The following VPS13A variants were observed in gnomAD, a reference collection of about 807,000 sequenced individuals.
VPS13A encodes the protein intermembrane lipid transfer protein VPS13A.
VPS13A carries 264 observed loss-of-function variants against 390.9 expected under a neutral mutation model. That is an observed-to-expected ratio of 0.68 (90% confidence interval 0.61 to 0.75). The LOEUF (loss-of-function observed/expected upper bound fraction) is 0.75, where lower values mean the gene tolerates loss of function less well. Ranked by LOEUF, VPS13A falls within the 30% of genes least tolerant of loss-of-function variation. The probability of loss-of-function intolerance (pLI) is 0.00; values close to 1 mark genes in which losing one functional copy is unlikely to be tolerated. For missense variants in VPS13A, 3,409 were observed against 3,733.9 expected, an observed-to-expected ratio of 0.91 and a Z score of 2.27; for synonymous variants, 1,231 against 1,227.1, an observed-to-expected ratio of 1.00 and a Z score of -0.07.
At chr9:77,190,307 A>T (rs1364117119) in intron 1 of VPS13A, among the ~76,000 whole-genome samples, 1 of 152,052 alleles carries the variant, frequency 6.6e-6, no homozygotes, top group African/African-American at 2.4e-5. Context: ...ACATGAAGGG[A>T]TGTTGAATTT....
In VPS13A at chr9:77,344,761, GA is replaced by G. The variant is rs375699491; in HGVS notation, c.7156-234del. ...GCGACAGAGCAAGACTCCGTCTCAA[GA>G]AAAAAAAAAAAAAGTTAGTTGGAAT... On this transcript the variant is annotated intron_variant, in intron 51 of 71. Transcript: ENST00000360280. Among the ~76,000 whole-genome samples the G allele has an allele frequency of 0.017, 1,976 of 119,144 alleles. 36 individuals are homozygous for G. The highest frequency in any genetic ancestry group is 0.055 in the African/African-American group (1,789 of 32,722). 78.2% of individuals were successfully genotyped at this position (119,144 alleles called of 152,430 possible).
intron 35 of VPS13A, among the ~76,000 whole-genome samples, chr9:77,308,785 A>G (rs538350241): frequency 6.6e-6 from 1 of 152,110 alleles, no homozygotes; most frequent in African/African-American, 2.4e-5. Flanking sequence ...AGACCTACCT[A>G]CCTCAAAATG....
intron 25 of VPS13A, 89 bp downstream of exon 25, chr9:77,275,741 CTA>C: frequency 7.1e-7 from 1 of 1,409,362 alleles, no homozygotes; most frequent in Non-Finnish European, 9.9e-7. Context: ...TTAAGAAGCA[CTA>C]TCTTTTTCAC....
At chr9:77,247,699 C>T (rs758907254) in intron 20 of VPS13A, among the ~76,000 whole-genome samples, 7 of 152,234 alleles carry the variant, frequency 4.6e-5, no homozygotes, top group Admixed American at 6.5e-5. Context: ...CTCACTCTGT[C>T]GCCCAGGCTG....
chr9:77,285,595 T>C (rs545580160), intron 31 of VPS13A, among the ~76,000 whole-genome samples: 1 of 152,356 alleles, frequency 6.6e-6, no homozygotes, highest in Admixed American at 6.5e-5. Flanking sequence ...CTAATTATTC[T>C]CAACTTTTCT....
In VPS13A at chr9:77,337,555, T is replaced by G; in HGVS notation, c.6378+18T>G. On this transcript the variant is annotated intron_variant, in intron 47 of 71. Coordinates refer to ENST00000360280, the MANE Select transcript of VPS13A (RefSeq NM_033305.3). The stretch of plus-strand genomic sequence containing the variant: ...ATATAGAGGTATCGGCAAACTGATT[T>G]AGTGCCTTCCTGTTTTTGATTTTGT... 1 of 1,604,516 alleles carries G rather than the reference T, an allele frequency of 6.2e-7. No individual in the cohort carries two copies.
chr9:77,214,404 G>A lies in VPS13A; in HGVS notation c.754+18G>A, dbSNP rs1205510866. On this transcript the variant is annotated intron_variant, in intron 10 of 71. Transcript: ENST00000360280. ...TGATTTTGGTAAGTACATTTTATAA[G>A]ATAAAAAAAGTAGTTAAAGTAATTG... is the stretch of plus-strand genomic sequence containing the variant. 6.3e-7 allele frequency: 1 copy of A among 1,593,240 alleles called. No homozygotes were observed. Among genetic ancestry groups the A allele is most frequent in the African/African-American group, 1.3e-5 (1 of 74,572 alleles).
At position 77,318,359 on chromosome 9, in the gene VPS13A, C is replaced by T. The variant is rs1829528449; in HGVS notation, c.5081C>T (p.Thr1694Ile). 6.2e-7 allele frequency: 1 copy of T among 1,613,744 alleles called. No individual in the cohort carries two copies. The highest frequency in any genetic ancestry group is 2.2e-5 in the East Asian group (1 of 44,848). Residue 1694 changes from threonine to isoleucine, a missense_variant, in exon 41 of 72, where the codon ACT becomes ATT. Around this residue, in one of 5 missense-constraint regions of VPS13A, gnomAD observed 2,717 missense variants for 2,917.4 expected, o/e 0.93. Coordinates refer to ENST00000360280, the MANE Select transcript of VPS13A (RefSeq NM_033305.3). ...TTATGGGAAAAGAAGGATACAAAGA[C>T]TTTAAAAATGTGGTTTCTTGAAGAA... Reference protein sequence around the residue: ...AHLWEKKDTKTLKMWFLEESN... With the variant: ...AHLWEKKDTKILKMWFLEESN...
chr9:77,318,730 T>C (rs1829553605), intron 41 of VPS13A, 139 bp downstream of exon 41: 2 of 931,790 alleles, frequency 2.1e-6, no homozygotes, highest in South Asian at 3.4e-5. Context: ...TCAAAAACTT[T>C]TAGAAAAAAG....
At chr9:77,220,514 C>G in intron 12 of VPS13A, 131 bp downstream of exon 12, 1 of 673,960 alleles carries the variant, frequency 1.5e-6, no homozygotes, top group Non-Finnish European at 2.5e-6. Flanking sequence ...TGATTTATAG[C>G]TAGAAATATA....
At chr9:77,204,510 A>G (rs1247485218) in intron 3 of VPS13A, among the ~76,000 whole-genome samples, 1 of 152,190 alleles carries the variant, frequency 6.6e-6, no homozygotes, top group African/African-American at 2.4e-5. Context: ...TATAGTTTAT[A>G]TGTATGATTA....
At chr9:77,217,650 T>C (rs1270339378) in intron 10 of VPS13A, among the ~76,000 whole-genome samples, 2 of 152,222 alleles carry the variant, frequency 1.3e-5, no homozygotes, top group African/African-American at 4.8e-5. Context: ...TTTTCTTCTT[T>C]TTTTGGCTGA....
intron 35 of VPS13A, among the ~76,000 whole-genome samples, chr9:77,311,463 T>C (rs1444789904): frequency 1.3e-5 from 2 of 152,180 alleles, no homozygotes; most frequent in Non-Finnish European, 2.9e-5. Flanking sequence ...ATCTTTCTCC[T>C]AAATGTCTCA....
intron 31 of VPS13A, among the ~76,000 whole-genome samples, chr9:77,292,715 T>C (rs1452587355): frequency 6.6e-6 from 1 of 152,202 alleles, no homozygotes; most frequent in East Asian, 1.9e-4. Flanking sequence ...ATGAGCTTAG[T>C]GCTCTGTCCC....
In VPS13A at chr9:77,398,415, T is replaced by A. The variant is rs186796555; in HGVS notation, c.9190-4821T>A. ...CCTAATTACACAAGATGGTGAAAATTTAGATTTAGAAGATTCATTAGACAC... is the reference window on the plus strand; with the variant it reads ...CCTAATTACACAAGATGGTGAAAATATAGATTTAGAAGATTCATTAGACAC... On this transcript the variant is annotated intron_variant, in intron 68 of 71. Transcript: ENST00000360280. Among the ~76,000 whole-genome samples the A allele has an allele frequency of 2.0e-5, 3 of 152,242 alleles. No homozygotes were observed. In the East Asian group the frequency reaches 5.8e-4, roughly 29 times the overall value.
intron 45 of VPS13A, 57 bp from the exon 46 acceptor site, chr9:77,331,953 C>T: frequency 8.3e-7 from 1 of 1,205,124 alleles, no homozygotes; most frequent in Non-Finnish European, 1.2e-6. Context: ...ATTTTTTTTA[C>T]ACATCTTTAG....
intron 1 of VPS13A, among the ~76,000 whole-genome samples, chr9:77,189,339 A>C (rs1025698089): frequency 2.0e-5 from 3 of 152,090 alleles, no homozygotes; most frequent in African/African-American, 7.2e-5. Flanking sequence ...GCTGGCCGTT[A>C]TCTCCACACC....
chr9:77,305,554 CAGGT>C (rs1828689378), intron 34 of VPS13A: 1 of 175,032 alleles, frequency 5.7e-6, no homozygotes, highest in African/African-American at 2.4e-5. Context: ...ATGCTCTTCC[CAGGT>C]AGAATCCATA....
intron 42 of VPS13A, 69 bp from the exon 43 acceptor site, chr9:77,321,100 A>T: frequency 1.4e-6 from 2 of 1,382,018 alleles, no homozygotes; most frequent in Non-Finnish European, 2.0e-6. Flanking sequence ...TAATGTTGGT[A>T]TTGGGATTTG....
Sources: gnomAD v4.1 joint callset for allele counts (sites outside exome capture counted in the v4.1 genomes callset) on GRCh38, gnomAD v4.1.1 for gene constraint, gnomAD v4.1.1 regional missense constraint, MANE v1.5 for transcripts, NCBI Gene and HGNC (gene_info 2026-07-23, HGNC 2026-07-21) for gene names.